Variants in DGKI observed in about 807,000 individuals in gnomAD.
DGKI encodes DAG kinase iota.
Under a neutral mutation model 147.5 loss-of-function variants are expected in DGKI, and 55 were observed. The ratio of observed to expected loss-of-function variants is 0.37; its 90% confidence interval spans 0.30 to 0.47. DGKI has a LOEUF of 0.47. Among genes scored for constraint, DGKI ranks in the 20% least tolerant of loss-of-function variants. The pLI, the probability that DGKI is intolerant of heterozygous loss-of-function variation, is 1.00. For synonymous variants in DGKI, 469 were observed against 477.1 expected (o/e 0.98, Z 0.22); for missense variants, 1,007 against 1,323.8 (o/e 0.76, Z 3.71).
At chr7:137,409,247 T>G (rs1347554455) in intron 29 of DGKI, among the ~76,000 whole-genome samples, 1 of 152,194 alleles carries the variant, frequency 6.6e-6, no homozygotes, top group African/African-American at 2.4e-5. Context: ...TAAAAATACT[T>G]TCTTAAAAAA....
intron 17 of DGKI, among the ~76,000 whole-genome samples, chr7:137,575,286 G>A (rs550367036): frequency 8.6e-5 from 13 of 152,042 alleles, no homozygotes; most frequent in African/African-American, 3.1e-4. Context: ...ACATATATAG[G>A]CTGATATCAC....
chr7:137,835,673 A>G lies in DGKI; in HGVS notation c.401+10789T>C, dbSNP rs1798356740. 2.0e-5 allele frequency among the ~76,000 whole-genome samples: 3 copies of G among 152,306 alleles called. No homozygotes were observed. The South Asian group carries it at 6.2e-4, about 32-fold the overall frequency. ...CATGTGTACAGGAAGGGCAATGACA[A>G]TGGCAATGAGGTCATCCTCATTGTC... On this transcript the variant is annotated intron_variant, in intron 1 of 32. Transcript: ENST00000614521.
chr7:137,822,897 C>T (rs922808747), intron 1 of DGKI, among the ~76,000 whole-genome samples: 1 of 150,514 alleles, frequency 6.6e-6, no homozygotes. Flanking sequence ...GGATGGCAAA[C>T]AAATGAGGAA....
chr7:137,391,170 A>T lies in DGKI; in HGVS notation c.*50T>A, dbSNP rs1562990018. 1 of 1,345,124 alleles carries T rather than the reference A, an allele frequency of 7.4e-7. No homozygotes were observed. The allele number at this position is 1,345,124 out of a possible 1,614,324, so 83.3% of individuals were successfully genotyped here. A position where few individuals can be genotyped will look rare whatever the true frequency, so the allele number is the denominator to read the frequency against. On this transcript the variant is annotated 3_prime_UTR_variant, in exon 33 of 33. Coordinates refer to ENST00000614521, the MANE Select transcript of DGKI (RefSeq NM_001321708.2). The stretch of plus-strand genomic sequence containing the variant: ...CCAGGGGAGCTGCCCAATTGCAGGG[A>T]GGGCAGATGTGATACGCTTGCTCAT...
intron 23 of DGKI, among the ~76,000 whole-genome samples, chr7:137,478,165 C>G (rs1585154107): frequency 6.6e-6 from 1 of 152,076 alleles, no homozygotes; most frequent in East Asian, 1.9e-4. Context: ...GATTGCAGAA[C>G]ACACATAGCT....
chr7:137,594,518 C>A (rs998351163), intron 12 of DGKI, among the ~76,000 whole-genome samples: 1 of 152,180 alleles, frequency 6.6e-6, no homozygotes, highest in South Asian at 2.1e-4. Context: ...TCATCCCAGT[C>A]AGTGAAAAAT....
intron 12 of DGKI, among the ~76,000 whole-genome samples, chr7:137,590,171 T>C (rs987688071): frequency 6.6e-6 from 1 of 152,184 alleles, no homozygotes; most frequent in Non-Finnish European, 1.5e-5. Context: ...TGCCTGATAA[T>C]GGAGAAATAA....
chr7:137,446,743 AAGAG>A (rs1438502120), intron 27 of DGKI, among the ~76,000 whole-genome samples: 1 of 152,126 alleles, frequency 6.6e-6, no homozygotes, highest in South Asian at 2.1e-4. Flanking sequence ...GAAAGAAAGA[AAGAG>A]AGAGAGGGAG....
At chr7:137,508,318 T>A (rs1171335597) in intron 21 of DGKI, among the ~76,000 whole-genome samples, 1 of 149,212 alleles carries the variant, frequency 6.7e-6, no homozygotes, top group East Asian at 2.0e-4. Context: ...AGCTCTGCCT[T>A]CCCGGTTACT....
chr7:137,407,643 A>G (rs1812007337), intron 30 of DGKI, among the ~76,000 whole-genome samples: 1 of 152,150 alleles, frequency 6.6e-6, no homozygotes, highest in East Asian at 1.9e-4. Context: ...AATAGCCTGT[A>G]AAGAGCTTGG....
At chr7:137,660,839 G>A (rs1822399457) in intron 3 of DGKI, among the ~76,000 whole-genome samples, 1 of 151,284 alleles carries the variant, frequency 6.6e-6, no homozygotes, top group Non-Finnish European at 1.5e-5. Context: ...GAGGGAAGGG[G>A]AAAAGACGGG....
chr7:137,630,985 G>A (rs532119047), intron 6 of DGKI, among the ~76,000 whole-genome samples: 1 of 151,350 alleles, frequency 6.6e-6, no homozygotes, highest in South Asian at 2.1e-4. Context: ...ACAAAGCAGG[G>A]TTTTTTTTGA....
intron 6 of DGKI, among the ~76,000 whole-genome samples, chr7:137,640,870 A>C (rs1821600487): frequency 6.6e-6 from 1 of 152,252 alleles, no homozygotes; most frequent in Non-Finnish European, 1.5e-5. Flanking sequence ...TAAACACAGC[A>C]TGCTATTTAA....
intron 1 of DGKI, among the ~76,000 whole-genome samples, chr7:137,810,402 C>G (rs1177363723): frequency 2.4e-4 from 37 of 152,068 alleles, no homozygotes; most frequent in Admixed American, 2.4e-3. Flanking sequence ...ATGAAAGGTA[C>G]TAAGTTTCAT....
At chr7:137,830,134 A>G (rs1798175979) in intron 1 of DGKI, among the ~76,000 whole-genome samples, 1 of 152,252 alleles carries the variant, frequency 6.6e-6, no homozygotes, top group Non-Finnish European at 1.5e-5. Flanking sequence ...AATGGCTGCA[A>G]CCTAAGCAAA....
In DGKI at chr7:137,623,570, AAG is replaced by A; in HGVS notation, c.805-18_805-17del. The A allele has an allele frequency of 6.2e-7, 1 of 1,610,136 alleles. No homozygotes were observed. Among genetic ancestry groups the A allele is most frequent in the Non-Finnish European group, 8.5e-7 (1 of 1,176,434 alleles). Reference sequence around the variant, plus strand: ...GCTGGAAGCCCTGGGATATTAGAACAAGAGACAGATAATTTAAAACCACCTCA... The same window carrying A: ...GCTGGAAGCCCTGGGATATTAGAACAAGACAGATAATTTAAAACCACCTCA... On this transcript the variant is annotated splice_polypyrimidine_tract_variant and intron_variant, in intron 6 of 32. Coordinates refer to ENST00000614521, the MANE Select transcript of DGKI (RefSeq NM_001321708.2).
intron 3 of DGKI, among the ~76,000 whole-genome samples, chr7:137,656,935 A>AG (rs1822247502): frequency 6.6e-6 from 1 of 152,186 alleles, no homozygotes; most frequent in African/African-American, 2.4e-5. Flanking sequence ...CAAGTAGCTA[A>AG]GGGGCAAGAC....
At chr7:137,689,047 C>T (rs1022307331) in intron 2 of DGKI, among the ~76,000 whole-genome samples, 1 of 152,182 alleles carries the variant, frequency 6.6e-6, no homozygotes, top group South Asian at 2.1e-4. Context: ...CAGAGGATAT[C>T]AAATCATGGC....
At chr7:137,730,265 C>T (rs1235904261) in intron 1 of DGKI, among the ~76,000 whole-genome samples, 1 of 152,136 alleles carries the variant, frequency 6.6e-6, no homozygotes, top group African/African-American at 2.4e-5. Flanking sequence ...CACCTGTCAT[C>T]ACCTTTCCCA....
Sources: allele counts gnomAD v4.1 joint callset (sites outside exome capture counted in the v4.1 genomes callset), GRCh38; gene constraint gnomAD v4.1.1; transcripts MANE v1.5; gene names NCBI Gene and HGNC (gene_info 2026-07-23, HGNC 2026-07-21).